Variants in FAM135A observed in about 807,000 individuals in gnomAD.
The protein encoded by FAM135A is protein FAM135A.
A neutral mutation model predicts 146.8 loss-of-function variants in FAM135A; 79 were observed. The observed-to-expected ratio is 0.54, with a 90% CI of 0.45 to 0.65. The LOEUF (loss-of-function observed/expected upper bound fraction) is 0.65, where lower values mean the gene tolerates loss of function less well. FAM135A is among the 30% of genes least tolerant of loss of function. FAM135A has a pLI of 0.00. For synonymous variants in FAM135A, 562 were observed against 603.6 expected, an observed-to-expected ratio of 0.93 and a Z score of 1.01; for missense variants, 1,623 against 1,758.2, an observed-to-expected ratio of 0.92 and a Z score of 1.38.
chr6:70,434,807 A>G (rs1416528184), intron 4 of FAM135A, among the ~76,000 whole-genome samples: 3 of 152,176 alleles, frequency 2.0e-5, no homozygotes, highest in Non-Finnish European at 2.9e-5. Context: ...GGAACAGTCA[A>G]TAATCCAGCA....
intron 12 of FAM135A, chr6:70,503,454 A>G (rs946586055): frequency 6.6e-6 from 1 of 152,172 alleles, no homozygotes; most frequent in Non-Finnish European, 1.5e-5. Flanking sequence ...TTTTTTAATT[A>G]TAAAACATAA....
chr6:70,504,376 T>C (rs1789238129), intron 12 of FAM135A: 1 of 152,242 alleles, frequency 6.6e-6, no homozygotes, highest in African/African-American at 2.4e-5. Flanking sequence ...TTTTTACTAA[T>C]AGATCCTCTC....
intron 5 of FAM135A, among the ~76,000 whole-genome samples, chr6:70,465,616 C>T (rs1280241247): frequency 6.6e-6 from 1 of 152,070 alleles, no homozygotes; most frequent in Non-Finnish European, 1.5e-5. Flanking sequence ...CTGGACTCAA[C>T]TGTTCCTCCT....
intron 5 of FAM135A, 103 bp downstream of exon 5, chr6:70,452,674 C>A: frequency 1.4e-6 from 1 of 700,078 alleles, no homozygotes; most frequent in Non-Finnish European, 2.3e-6. Context: ...AATGGTATAA[C>A]ATCATTATGA....
intron 2 of FAM135A, among the ~76,000 whole-genome samples, chr6:70,417,809 A>G (rs1056076104): frequency 6.6e-6 from 1 of 152,198 alleles, no homozygotes; most frequent in Non-Finnish European, 1.5e-5. Context: ...GGAAGCCTGT[A>G]TACCCTTTAC....
chr6:70,428,254 T>C, intron 3 of FAM135A, 50 bp from the exon 4 acceptor site: 2 of 819,982 alleles, frequency 2.4e-6, no homozygotes, highest in South Asian at 3.9e-5. Context: ...TTTTTATAAG[T>C]TGGCATTTTT....
intron 4 of FAM135A, among the ~76,000 whole-genome samples, chr6:70,436,959 A>T (rs369582344): frequency 6.6e-6 from 1 of 152,204 alleles, no homozygotes; most frequent in Non-Finnish European, 1.5e-5. Flanking sequence ...TAAAGGACTA[A>T]GTGTTATTAT....
chr6:70,531,865 A>G (rs1219366993), intron 16 of FAM135A, among the ~76,000 whole-genome samples: 1 of 148,282 alleles, frequency 6.7e-6, no homozygotes, highest in Non-Finnish European at 1.5e-5. Flanking sequence ...GTTGTTTGAT[A>G]AGGTTTCTTT....
chr6:70,550,583 G>C (rs1369075719), intron 20 of FAM135A, among the ~76,000 whole-genome samples: 1 of 152,210 alleles, frequency 6.6e-6, no homozygotes, highest in Non-Finnish European at 1.5e-5. Flanking sequence ...AACCCATGCT[G>C]TAAACAGATG....
chr6:70,525,897 G>A lies in FAM135A; in HGVS notation c.2813G>A (p.Cys938Tyr), dbSNP rs1348771513. Residue 938 changes from cysteine to tyrosine, a missense_variant, in exon 15 of 22, where the codon TGC (cysteine) becomes TAC (tyrosine). Physicochemically the swap from Cys to Tyr is radical, Grantham distance 194. Coordinates refer to ENST00000418814, the MANE Select transcript of FAM135A (RefSeq NM_001162529.3). ...ACTTCCAGTGATGTGAAAAGTAGTT[G>A]CAGCTCCAAACCTAACTTGGATACT... ...EETSSDVKSS[C>Y]SSKPNLDTMC... 2 of 1,613,136 alleles carry A rather than the reference G, an allele frequency of 1.2e-6. No homozygotes were observed. The highest frequency in any genetic ancestry group is 2.2e-5 in the East Asian group (1 of 44,854).
At position 70,491,018 on chromosome 6, in the gene FAM135A, T is replaced by A; in HGVS notation, c.824-16T>A. 1 of 1,569,104 alleles carries A rather than the reference T, an allele frequency of 6.4e-7. No individual in the cohort carries two copies. Among genetic ancestry groups the A allele is most frequent in the Non-Finnish European group, 8.6e-7 (1 of 1,157,516 alleles). ...TCTAACATTGGAATATTTCCTCTAC[T>A]CTTTACTCCTTCCAGAGGAAATGGA... On this transcript the variant is annotated splice_polypyrimidine_tract_variant and intron_variant, in intron 10 of 21. Coordinates refer to ENST00000418814, the MANE Select transcript of FAM135A (RefSeq NM_001162529.3).
rs1190394379 is a variant in FAM135A at position 70,524,794 on chromosome 6, A to G, written c.1710A>G (p.Gln570=). The change falls in exon 15 of 22, where the codon CAA becomes CAG. Residue 570 remains glutamine, a synonymous_variant. Coordinates refer to ENST00000418814, the MANE Select transcript of FAM135A (RefSeq NM_001162529.3). ...DPKTYMRQTS[Q]KEASCLPTNT... ...AGACCTACATGAGACAGACAAGTCA[A>G]AAGGAAGCTAGCTGTTTGCCAACTA... 9 of 1,553,418 alleles carry G rather than the reference A, an allele frequency of 5.8e-6. No homozygotes were observed. The South Asian group carries it at 5.9e-5, about 10-fold the overall frequency.
rs936474315 is a variant in FAM135A at position 70,560,280 on chromosome 6, A to G, written c.*359A>G. On this transcript the variant is annotated 3_prime_UTR_variant, in exon 22 of 22. Transcript: ENST00000418814. ...TATATTAGAGACCATTATTGCTAGA[A>G]TAGCATGGGATTTAAAATTTTCTAA... The G allele has an allele frequency of 1.9e-5, 3 of 157,486 alleles. No individual in the cohort carries two copies. The highest frequency in any genetic ancestry group is 7.2e-5 in the African/African-American group (3 of 41,608). The allele number at this position is 157,486 out of a possible 1,614,324, so 9.8% of individuals were successfully genotyped here.
intron 10 of FAM135A, among the ~76,000 whole-genome samples, chr6:70,488,342 G>A (rs964696075): frequency 3.3e-5 from 5 of 151,922 alleles, no homozygotes; most frequent in Non-Finnish European, 7.4e-5. Flanking sequence ...GCAAAAAATT[G>A]TGCAAAATAC....
intron 5 of FAM135A, among the ~76,000 whole-genome samples, chr6:70,455,932 A>G (rs1055496223): frequency 2.6e-5 from 4 of 152,006 alleles, no homozygotes; most frequent in Non-Finnish European, 5.9e-5. Context: ...GCTCACTGCA[A>G]CCTCCGCCTG....
chr6:70,447,839 T>A (rs2127999788), intron 4 of FAM135A, among the ~76,000 whole-genome samples: 1 of 152,364 alleles, frequency 6.6e-6, no homozygotes, highest in South Asian at 2.1e-4. Context: ...CTTCTCACAG[T>A]TAAAACAAGC....
At chr6:70,443,352 T>G (rs1015416514) in intron 4 of FAM135A, among the ~76,000 whole-genome samples, 2 of 152,232 alleles carry the variant, frequency 1.3e-5, no homozygotes, top group African/African-American at 4.8e-5. Flanking sequence ...CATTACTTTT[T>G]CTATGTTTAG....
chr6:70,470,189 G>T (rs1042848323), intron 5 of FAM135A, among the ~76,000 whole-genome samples: 1 of 152,142 alleles, frequency 6.6e-6, no homozygotes, highest in Non-Finnish European at 1.5e-5. Flanking sequence ...AGTCTGATTG[G>T]AGTATGAATT....
chr6:70,492,702 A>G (rs533834305), intron 11 of FAM135A, among the ~76,000 whole-genome samples: 1 of 151,830 alleles, frequency 6.6e-6, no homozygotes. Context: ...ACAAATAACA[A>G]ATTCTTAGCA....
Sources: gnomAD v4.1 joint callset for allele counts (sites outside exome capture counted in the v4.1 genomes callset) on GRCh38, gnomAD v4.1.1 for gene constraint, MANE v1.5 for transcripts, NCBI Gene and HGNC (gene_info 2026-07-23, HGNC 2026-07-21) for gene names.